The following TMEM163 variants were observed in gnomAD, a reference collection of about 807,000 sequenced individuals.
TMEM163 encodes the protein transmembrane protein 163.
A neutral mutation model predicts 29.3 loss-of-function variants in TMEM163; 17 were observed. That is an observed-to-expected ratio of 0.58 (90% CI 0.40 to 0.87). The LOEUF (loss-of-function observed/expected upper bound fraction) is 0.87, where lower values mean the gene tolerates loss of function less well. Among genes scored for constraint, TMEM163 ranks in the 40% least tolerant of loss-of-function variants. TMEM163 has a pLI of 0.00. For missense variants in TMEM163, 303 were observed against 381.5 expected (o/e 0.79, Z 1.71); for synonymous variants, 157 against 160.6 (o/e 0.98, Z 0.17).
chr2:134,511,558 C>T (rs745683088), intron 4 of TMEM163, among the ~76,000 whole-genome samples: 3 of 152,142 alleles, frequency 2.0e-5, no homozygotes, highest in Non-Finnish European at 4.4e-5. Flanking sequence ...CCTGCAGGGA[C>T]GCTGGAAGAG....
At chr2:134,457,330 G>T (rs1686421839) in intron 7 of TMEM163, among the ~76,000 whole-genome samples, 1 of 152,170 alleles carries the variant, frequency 6.6e-6, no homozygotes. Flanking sequence ...GGGGCGAATG[G>T]TAACTCTGCG....
At chr2:134,650,724 T>C (rs1336722197) in intron 2 of TMEM163, among the ~76,000 whole-genome samples, 1 of 115,998 alleles carries the variant, frequency 8.6e-6, no homozygotes, top group Non-Finnish European at 1.6e-5. Flanking sequence ...CCCCAGAGTG[T>C]GATATTCCCC....
At chr2:134,718,636 C>G (rs919631891) in intron 1 of TMEM163, 98 bp downstream of exon 1, 8 of 954,066 alleles carry the variant, frequency 8.4e-6, no homozygotes, top group Non-Finnish European at 1.0e-5. Context: ...CCGCGCGCTC[C>G]GAGCCCCGCG....
chr2:134,678,201 G>A (rs981055070), intron 2 of TMEM163, among the ~76,000 whole-genome samples: 1 of 151,964 alleles, frequency 6.6e-6, no homozygotes, highest in Non-Finnish European at 1.5e-5. Flanking sequence ...AAACACCCAC[G>A]GGTAAAGGGA....
At chr2:134,660,147 G>T (rs1057142403) in intron 2 of TMEM163, among the ~76,000 whole-genome samples, 1 of 152,120 alleles carries the variant, frequency 6.6e-6, no homozygotes, top group African/African-American at 2.4e-5. Flanking sequence ...GAGGTAGGTG[G>T]GGGGCAGACC....
chr2:134,564,278 A>C (rs1465747735), intron 2 of TMEM163, among the ~76,000 whole-genome samples: 1 of 152,198 alleles, frequency 6.6e-6, no homozygotes, highest in Non-Finnish European at 1.5e-5. Context: ...CCTAAAATAC[A>C]CGGGGGAAAG....
rs374170112 is a variant in TMEM163, at chr2:134,585,771, C to T, written c.323-33680G>A. Among the ~76,000 whole-genome samples the T allele has an allele frequency of 7.2e-5, 11 of 152,128 alleles. No individual in the cohort carries two copies. The East Asian group carries it at 9.6e-4, about 13-fold the overall frequency. ...AAAAAAAAAATACCTGGAAGAGTGC[C>T]TGGCACAGAGTCCATGCTCAATGAA... On this transcript the variant is annotated intron_variant, in intron 2 of 7. Transcript: ENST00000281924.
At chr2:134,683,465 A>G (rs1015684638) in intron 2 of TMEM163, among the ~76,000 whole-genome samples, 5 of 152,186 alleles carry the variant, frequency 3.3e-5, no homozygotes, top group African/African-American at 1.2e-4. Flanking sequence ...AACCTAAACT[A>G]AACTCATTTG....
intron 2 of TMEM163, among the ~76,000 whole-genome samples, chr2:134,631,036 G>T (rs536439725): frequency 6.6e-6 from 1 of 151,924 alleles, no homozygotes; most frequent in South Asian, 2.1e-4. Flanking sequence ...GGTTTAAAAA[G>T]GGAAAACCAG....
rs201436466 is a variant in TMEM163 at position 134,661,925 on chromosome 2, C to CTTTTTTTTTTTTTTTTTTTT, written c.322+51274_322+51275insAAAAAAAAAAAAAAAAAAAA. ...AAGTTTTCATGGATTCATTAATTTT[C>CTTTTTTTTTTTTTTTTTTTT]TTTCTTTTTTTTTTTTTTTTTTTTG... On this transcript the variant is annotated intron_variant, in intron 2 of 7. Coordinates refer to ENST00000281924, the MANE Select transcript of TMEM163 (RefSeq NM_030923.5). 1.0e-4 allele frequency among the ~76,000 whole-genome samples: 8 copies of CTTTTTTTTTTTTTTTTTTTT among 79,068 alleles called. 3 individuals are homozygous for CTTTTTTTTTTTTTTTTTTTT. Among genetic ancestry groups the CTTTTTTTTTTTTTTTTTTTT allele is most frequent in the African/African-American group, 2.9e-4 (5 of 16,966 alleles). 51.9% of individuals were successfully genotyped at this position (79,068 alleles called of 152,430 possible).
chr2:134,491,231 A>C (rs190337382), intron 5 of TMEM163, among the ~76,000 whole-genome samples: 1 of 152,288 alleles, frequency 6.6e-6, no homozygotes, highest in East Asian at 1.9e-4. Context: ...TCCTGAATAC[A>C]CAGATGCCTC....
intron 2 of TMEM163, among the ~76,000 whole-genome samples, chr2:134,629,258 A>G (rs1682918628): frequency 6.6e-6 from 1 of 152,202 alleles, no homozygotes; most frequent in Non-Finnish European, 1.5e-5. Flanking sequence ...CAGCACTCTT[A>G]AGCAATGCAC....
chr2:134,605,243 C>A (rs1490880032), intron 2 of TMEM163, among the ~76,000 whole-genome samples: 3 of 151,566 alleles, frequency 2.0e-5, no homozygotes, highest in Non-Finnish European at 4.4e-5. Flanking sequence ...CAGGGGCCTT[C>A]TGATTGAGCA....
In TMEM163 at chr2:134,524,349, T is replaced by G. The variant is rs761011377; in HGVS notation, c.459-21352A>C. Among the ~76,000 whole-genome samples the G allele has an allele frequency of 1.5e-4, 22 of 151,098 alleles. 1 individual carries two copies. The highest frequency in any genetic ancestry group is 4.8e-4 in the African/African-American group (20 of 41,290). On this transcript the variant is annotated intron_variant, in intron 4 of 7. Transcript: ENST00000281924. The stretch of plus-strand genomic sequence containing the variant: ...TTTTGTTTTTTAATATCGATAACAT[T>G]TAATGCTGTAATTGAGAGCTTGGGT...
intron 2 of TMEM163, among the ~76,000 whole-genome samples, chr2:134,597,592 C>T (rs1417884724): frequency 6.6e-6 from 1 of 152,172 alleles, no homozygotes; most frequent in Non-Finnish European, 1.5e-5. Context: ...TGTTGTGTCT[C>T]TGCCAGGCTT....
intron 4 of TMEM163, among the ~76,000 whole-genome samples, chr2:134,532,739 C>T (rs1301096846): frequency 6.6e-6 from 1 of 152,136 alleles, no homozygotes; most frequent in Non-Finnish European, 1.5e-5. Flanking sequence ...CAGTGAAGGC[C>T]GCTTGGGGAA....
chr2:134,537,810 G>A (rs946020586), intron 4 of TMEM163, among the ~76,000 whole-genome samples: 1 of 152,184 alleles, frequency 6.6e-6, no homozygotes, highest in Non-Finnish European at 1.5e-5. Context: ...TAGAACAAAC[G>A]TCAGTGAGGT....
chr2:134,639,154 C>A (rs1443202206), intron 2 of TMEM163, among the ~76,000 whole-genome samples: 1 of 152,184 alleles, frequency 6.6e-6, no homozygotes, highest in African/African-American at 2.4e-5. Context: ...GGAAGTAAGA[C>A]TAGAGCTGCA....
At chr2:134,707,787 C>T (rs866806305) in intron 2 of TMEM163, among the ~76,000 whole-genome samples, 7 of 151,826 alleles carry the variant, frequency 4.6e-5, no homozygotes, top group Middle Eastern at 3.2e-3. Context: ...GAGGAGGCTG[C>T]CATGTGAGAT....
Sources: allele counts gnomAD v4.1 joint callset (sites outside exome capture counted in the v4.1 genomes callset), GRCh38; gene constraint gnomAD v4.1.1; transcripts MANE v1.5; gene names NCBI Gene and HGNC (gene_info 2026-07-23, HGNC 2026-07-21).